ST18: variants seen among roughly 807,000 people sequenced by gnomAD.
ST18 encodes the protein suppression of tumorigenicity 18 protein.
In ST18, 50 loss-of-function variants were observed where a neutral mutation model predicts 110.0. The observed-to-expected ratio is 0.45, with a 90% CI of 0.36 to 0.58. The LOEUF is 0.58. Among genes scored for constraint, ST18 ranks in the 20% least tolerant of loss-of-function variants. The pLI, the probability that ST18 is intolerant of heterozygous loss-of-function variation, is 0.00. For synonymous variants in ST18, 461 were observed against 452.4 expected (o/e 1.02, Z -0.24); for missense variants, 1,306 against 1,280.1 (o/e 1.02, Z -0.31).
At chr8:52,266,923 G>C (rs1297060228) in intron 2 of ST18, among the ~76,000 whole-genome samples, 2 of 152,112 alleles carry the variant, frequency 1.3e-5, no homozygotes, top group African/African-American at 4.8e-5. Context: ...TGTGCCTCTG[G>C]GTCACTGCAG....
At chr8:52,216,659 G>A (rs1342270267) in intron 6 of ST18, among the ~76,000 whole-genome samples, 2 of 152,162 alleles carry the variant, frequency 1.3e-5, no homozygotes, top group Non-Finnish European at 2.9e-5. Context: ...TTTATCGCTC[G>A]TGAGATGGTT....
chr8:52,187,738 G>T (rs1361209830), intron 8 of ST18, among the ~76,000 whole-genome samples: 1 of 152,188 alleles, frequency 6.6e-6, no homozygotes, highest in East Asian at 1.9e-4. Context: ...CTTTTTGGTT[G>T]AGAGTTTGTC....
intron 8 of ST18, among the ~76,000 whole-genome samples, chr8:52,208,739 G>A (rs1383835787): frequency 1.3e-5 from 2 of 152,284 alleles, no homozygotes; most frequent in Non-Finnish European, 2.9e-5. Context: ...AATGGCGTGA[G>A]CCCGGGAGGC....
chr8:52,220,127 T>A (rs1188661271), intron 5 of ST18, among the ~76,000 whole-genome samples: 1 of 152,142 alleles, frequency 6.6e-6, no homozygotes, highest in Non-Finnish European at 1.5e-5. Context: ...ATTTTTAATA[T>A]CCCCAGATTA....
chr8:52,196,698 A>G (rs1488957911), intron 8 of ST18, among the ~76,000 whole-genome samples: 1 of 152,196 alleles, frequency 6.6e-6, no homozygotes, highest in African/African-American at 2.4e-5. Flanking sequence ...TATAAATTAA[A>G]CTTTATCATA....
chr8:52,161,214 T>C (rs1371918082), intron 14 of ST18, among the ~76,000 whole-genome samples, 161 bp downstream of exon 14: 3 of 152,184 alleles, frequency 2.0e-5, no homozygotes, highest in Non-Finnish European at 4.4e-5. Context: ...GATCAACTTA[T>C]TATCGTTTTC....
At chr8:52,267,434 A>G (rs1023948772) in intron 2 of ST18, among the ~76,000 whole-genome samples, 5 of 148,576 alleles carry the variant, frequency 3.4e-5, no homozygotes, top group African/African-American at 4.9e-5. Context: ...AGTTGAAAGT[A>G]GCAATGGGGA....
chr8:52,374,696 C>G (rs1464241167), intron 2 of ST18, among the ~76,000 whole-genome samples: 30 of 152,092 alleles, frequency 2.0e-4, no homozygotes, highest in Admixed American at 2.0e-3. Flanking sequence ...CCATACCCCC[C>G]TGACAGGCTG....
chr8:52,274,825 A>G (rs1032919442), intron 2 of ST18, among the ~76,000 whole-genome samples: 4 of 152,224 alleles, frequency 2.6e-5, no homozygotes, highest in Non-Finnish European at 5.9e-5. Flanking sequence ...TAGTTTAATA[A>G]TTCTTGTATT....
At chr8:52,210,064 G>A (rs762540356) in intron 8 of ST18, 5 of 455,902 alleles carry the variant, frequency 1.1e-5, no homozygotes, top group South Asian at 7.7e-5. Context: ...TCCTTTAAAG[G>A]ACTCTGGTGT....
chr8:52,288,006 C>G (rs1008095704), intron 2 of ST18, among the ~76,000 whole-genome samples: 2 of 152,296 alleles, frequency 1.3e-5, no homozygotes, highest in African/African-American at 2.4e-5. Flanking sequence ...CAACCATAAA[C>G]TGAGCATGTT....
At chr8:52,312,503 G>T (rs2095937082) in intron 2 of ST18, among the ~76,000 whole-genome samples, 1 of 152,224 alleles carries the variant, frequency 6.6e-6, no homozygotes, top group African/African-American at 2.4e-5. Context: ...GCAGCATGGT[G>T]TTCCCTATCA....
chr8:52,366,329 C>G (rs1169495211), intron 2 of ST18, among the ~76,000 whole-genome samples: 1 of 152,144 alleles, frequency 6.6e-6, no homozygotes, highest in Admixed American at 6.5e-5. Context: ...CGAGCAGAGG[C>G]AGCTTTCTAA....
intron 2 of ST18, among the ~76,000 whole-genome samples, chr8:52,257,130 T>C (rs1326294660): frequency 6.6e-6 from 1 of 152,216 alleles, no homozygotes; most frequent in Non-Finnish European, 1.5e-5. Flanking sequence ...GTAGCATCTA[T>C]CGGTACTTTA....
chr8:52,302,347 T>C (rs1197768914), intron 2 of ST18, among the ~76,000 whole-genome samples: 1 of 152,114 alleles, frequency 6.6e-6, no homozygotes, highest in African/African-American at 2.4e-5. Context: ...AAGTACATGG[T>C]TTTCAATAAG....
Position 52,113,954 on chromosome 8 carries a change from G to GTTTTTTTTTTTTTTTTTT in ST18, c.3004-634_3004-617dup, listed in dbSNP as rs1158213340. Among the ~76,000 whole-genome samples, 13 of 45,440 alleles carry GTTTTTTTTTTTTTTTTTT rather than the reference G, an allele frequency of 2.9e-4. 3 individuals are homozygous for GTTTTTTTTTTTTTTTTTT. Among genetic ancestry groups the GTTTTTTTTTTTTTTTTTT allele is most frequent in the Admixed American group, 1.9e-3 (4 of 2,100 alleles). 29.8% of individuals were successfully genotyped at this position (45,440 alleles called of 152,430 possible). A position where few individuals can be genotyped will look rare whatever the true frequency, so the allele number is the denominator to read the frequency against. The stretch of plus-strand genomic sequence containing the variant: ...CAAAGTTTAAATTTATTCATACCGT[G>GTTTTTTTTTTTTTTTTTT]TTTTTTTTTTTTTTTTTTTTTTTTT... On this transcript the variant is annotated intron_variant, in intron 25 of 25. Coordinates refer to ENST00000689386, the MANE Select transcript of ST18 (RefSeq NM_001352837.2).
At chr8:52,177,424 T>C (rs1391172975) in intron 9 of ST18, among the ~76,000 whole-genome samples, 1 of 152,172 alleles carries the variant, frequency 6.6e-6, no homozygotes. Context: ...GATGATATAA[T>C]TGGGCACACA....
At chr8:52,259,581 T>A (rs537878552) in intron 2 of ST18, among the ~76,000 whole-genome samples, 1 of 151,124 alleles carries the variant, frequency 6.6e-6, no homozygotes, top group African/African-American at 2.4e-5. Flanking sequence ...GTTATAATGA[T>A]GATGATGATG....
intron 8 of ST18, among the ~76,000 whole-genome samples, chr8:52,211,081 A>G (rs1028612804): frequency 6.6e-6 from 1 of 152,246 alleles, no homozygotes; most frequent in African/African-American, 2.4e-5. Flanking sequence ...TCAATAGCAC[A>G]TGCAGAGAAA....
Sources: gnomAD v4.1 joint callset for allele counts (sites outside exome capture counted in the v4.1 genomes callset) on GRCh38, gnomAD v4.1.1 for gene constraint, MANE v1.5 for transcripts, NCBI Gene and HGNC (gene_info 2026-07-23, HGNC 2026-07-21) for gene names.